The following PLAA variants were observed in gnomAD, a reference collection of about 807,000 sequenced individuals.
The protein encoded by PLAA is phospholipase A2 activating protein.
Under a neutral mutation model 84.1 loss-of-function variants are expected in PLAA, and 48 were observed. The ratio of observed to expected loss-of-function variants is 0.57; its 90% CI spans 0.45 to 0.73. PLAA has a LOEUF of 0.73. PLAA is among the 30% of genes least tolerant of loss of function. The probability of loss-of-function intolerance (pLI) is 0.00; values close to 1 mark genes in which losing one functional copy is unlikely to be tolerated. For synonymous variants in PLAA, 392 were observed against 336.6 expected (o/e 1.16, Z -1.80); for missense variants, 903 against 954.7 (o/e 0.95, Z 0.71).
chr9:26,925,220 C>T (rs566825374), intron 6 of PLAA, among the ~76,000 whole-genome samples: 1 of 152,296 alleles, frequency 6.6e-6, no homozygotes, highest in African/African-American at 2.4e-5. Context: ...ATCCAATCTA[C>T]ATATTTAGTA....
chr9:26,938,204 T>C (rs1825419487), intron 1 of PLAA, among the ~76,000 whole-genome samples: 1 of 152,166 alleles, frequency 6.6e-6, no homozygotes, highest in South Asian at 2.1e-4. Context: ...AGTAGATTTC[T>C]CATCAAAAAC....
intron 2 of PLAA, among the ~76,000 whole-genome samples, chr9:26,928,754 T>A (rs932988582): frequency 1.6e-4 from 25 of 152,246 alleles, no homozygotes; most frequent in African/African-American, 5.3e-4. Context: ...TGTAAATGAT[T>A]TTGAAACACT....
At chr9:26,922,536 G>A (rs1362621109) in intron 7 of PLAA, among the ~76,000 whole-genome samples, 2 of 152,152 alleles carry the variant, frequency 1.3e-5, no homozygotes, top group African/African-American at 4.8e-5. Context: ...ATCAAGCTTT[G>A]AGAAGCACTG....
chr9:26,921,396 A>C (rs1824754227), intron 7 of PLAA, among the ~76,000 whole-genome samples: 1 of 152,224 alleles, frequency 6.6e-6, no homozygotes, highest in Non-Finnish European at 1.5e-5. Context: ...ATGTCACATT[A>C]CTGAGTAATG....
intron 8 of PLAA, 60 bp from the exon 9 acceptor site, chr9:26,919,589 C>A: frequency 1.1e-6 from 1 of 873,516 alleles, no homozygotes; most frequent in Non-Finnish European, 1.9e-6. Flanking sequence ...ATATTAATGA[C>A]ATATACAACA....
At chr9:26,937,870 GA>G (rs34475218) in intron 1 of PLAA, among the ~76,000 whole-genome samples, 55,147 of 143,728 alleles carry the variant, frequency 0.38, 10,508 homozygotes, top group African/African-American at 0.42. Flanking sequence ...AAAAAAGACT[GA>G]AAAAAAAAAA....
In PLAA at chr9:26,910,376, G is replaced by C. The variant is rs1252469115; in HGVS notation, c.1619C>G (p.Ala540Gly). 6.2e-7 allele frequency: 1 copy of C among 1,613,128 alleles called. No homozygotes were observed. The highest frequency in any genetic ancestry group is 8.5e-7 in the Non-Finnish European group (1 of 1,179,442). Reference protein sequence around the residue: ...TMNIYFPKKEAVTFDQANPTQ... With the variant: ...TMNIYFPKKEGVTFDQANPTQ... ...AGGGTTTGCTTGGTCAAATGTGACA[G>C]CCTCTTTTTTAGGGAAATAAATATT... Residue 540 changes from alanine to glycine, a missense_variant, in exon 12 of 14, where the codon GCT becomes GGT. Physicochemically the swap from Ala to Gly is moderately conservative, Grantham distance 60. Coordinates refer to ENST00000397292, the MANE Select transcript of PLAA (RefSeq NM_001031689.3).
Position 26,915,803 on chromosome 9 carries a change from G to A in PLAA, c.1486+1294C>T, listed in dbSNP as rs1824532716. The A allele has an allele frequency of 3.0e-6, 3 of 985,202 alleles. No individual in the cohort carries two copies. The South Asian group carries it at 1.4e-4, about 46-fold the overall frequency. 61.0% of individuals were successfully genotyped at this position (985,202 alleles called of 1,614,324 possible). On this transcript the variant is annotated intron_variant, in intron 10 of 13. Coordinates refer to ENST00000397292, the MANE Select transcript of PLAA (RefSeq NM_001031689.3). ...TTATAATGGCCCCAGGAGTTTTCTT[G>A]ATTTTGCTGGTATTAGTTGAAGCTT...
At chr9:26,932,817 A>G (rs916241685) in intron 2 of PLAA, among the ~76,000 whole-genome samples, 8 of 152,224 alleles carry the variant, frequency 5.3e-5, no homozygotes, top group Non-Finnish European at 1.2e-4. Flanking sequence ...ACACACATAC[A>G]GGCACACAAA....
chr9:26,929,873 G>A (rs754034523), intron 2 of PLAA, among the ~76,000 whole-genome samples: 3 of 152,160 alleles, frequency 2.0e-5, no homozygotes, highest in Non-Finnish European at 4.4e-5. Context: ...CAGAAAGCAT[G>A]CTGTGGTAAC....
intron 2 of PLAA, among the ~76,000 whole-genome samples, chr9:26,929,831 G>A (rs1289676424): frequency 1.3e-5 from 2 of 152,114 alleles, no homozygotes; most frequent in South Asian, 2.1e-4. Flanking sequence ...GGAGACTTTT[G>A]GATTGTTTGA....
chr9:26,935,116 G>A lies in PLAA; in HGVS notation c.240C>T (p.Tyr80=). ...CACCGGTGGCAATTAGGCCATGAGG[G>A]TAGATGTCACTTGAGGGTATGATGC... ...CVCIIPSSDI[Y]PHGLIATGGN... is the part of the protein sequence containing the mutation. Residue 80 remains tyrosine, a synonymous_variant, in exon 2 of 14, where the codon TAC becomes TAT. Coordinates refer to ENST00000397292, the MANE Select transcript of PLAA (RefSeq NM_001031689.3). 6.2e-7 allele frequency: 1 copy of A among 1,610,654 alleles called. No homozygotes were observed. Among genetic ancestry groups the A allele is most frequent in the Non-Finnish European group, 8.5e-7 (1 of 1,178,516 alleles).
chr9:26,922,623 C>T (rs2099653581), intron 7 of PLAA, among the ~76,000 whole-genome samples: 1 of 151,668 alleles, frequency 6.6e-6, no homozygotes. Flanking sequence ...ATTTCAAACT[C>T]GAATGATTCC....
At chr9:26,916,502 A>T (rs1824565371) in intron 10 of PLAA, 1 of 986,906 alleles carries the variant, frequency 1.0e-6, no homozygotes, top group African/African-American at 1.7e-5. Flanking sequence ...GGACATTAAT[A>T]ACTTAGATTA....
chr9:26,930,801 G>A (rs778474310), intron 2 of PLAA, among the ~76,000 whole-genome samples: 72 of 151,080 alleles, frequency 4.8e-4, no homozygotes, highest in African/African-American at 1.7e-3. Flanking sequence ...CAGGCTGGTC[G>A]TGAACTCCTG....
chr9:26,934,999 A>G lies in PLAA; in HGVS notation c.343+14T>C, dbSNP rs766900791. ...ACTTCAAATAGAAAAACACCAAAGCATTATTATACTCACCAGTATTTTTGT... is the reference window on the plus strand; with the variant it reads ...ACTTCAAATAGAAAAACACCAAAGCGTTATTATACTCACCAGTATTTTTGT... On this transcript the variant is annotated intron_variant, in intron 2 of 13. Transcript: ENST00000397292. 1.6e-5 allele frequency: 24 copies of G among 1,523,416 alleles called. 1 individual carries two copies. The highest frequency in any genetic ancestry group is 9.1e-5 in the Admixed American group (4 of 44,186). The allele number at this position is 1,523,416 out of a possible 1,614,324, so 94.4% of individuals were successfully genotyped here.
At chr9:26,915,970 T>C in intron 10 of PLAA, 2 of 985,448 alleles carry the variant, frequency 2.0e-6, no homozygotes, top group Middle Eastern at 5.2e-4. Flanking sequence ...TTACTACCAT[T>C]TGAAATCACA....
chr9:26,924,455 G>C (rs1824877332), intron 6 of PLAA, among the ~76,000 whole-genome samples: 1 of 152,060 alleles, frequency 6.6e-6, no homozygotes. Flanking sequence ...TTCAATGCTA[G>C]AGTAGCATTA....
chr9:26,935,918 T>C (rs1266985509), intron 1 of PLAA, among the ~76,000 whole-genome samples: 1 of 151,694 alleles, frequency 6.6e-6, no homozygotes, highest in East Asian at 1.9e-4. Context: ...ATAATTGCAC[T>C]GGGATTAAAA....
Sources: gnomAD v4.1 joint callset for allele counts (sites outside exome capture counted in the v4.1 genomes callset) on GRCh38, gnomAD v4.1.1 for gene constraint, MANE v1.5 for transcripts, NCBI Gene and HGNC (gene_info 2026-07-23, HGNC 2026-07-21) for gene names.